SHQ1: variants seen among roughly 807,000 people sequenced by gnomAD.
SHQ1 encodes the protein SHQ1, H/ACA ribonucleoprotein assembly factor.
Under a neutral mutation model 53.8 loss-of-function variants are expected in SHQ1, and 49 were observed. The ratio of observed to expected loss-of-function variants is 0.91; its 90% confidence interval spans 0.72 to 1.16. The LOEUF (loss-of-function observed/expected upper bound fraction) is 1.16, where lower values mean the gene tolerates loss of function less well. Ranked by LOEUF, SHQ1 falls within the 50% of genes most tolerant of loss-of-function variation. SHQ1 has a pLI of 0.00. For synonymous variants in SHQ1, 243 were observed against 251.0 expected, an observed-to-expected ratio of 0.97 and a Z score of 0.30; for missense variants, 738 against 683.1, an observed-to-expected ratio of 1.08 and a Z score of -0.90.
intron 10 of SHQ1, among the ~76,000 whole-genome samples, chr3:72,770,493 A>C (rs1482815823): frequency 6.6e-6 from 1 of 152,226 alleles, no homozygotes; most frequent in Non-Finnish European, 1.5e-5. Context: ...GCCAGACTAC[A>C]TCTCAGAAGT....
intron 10 of SHQ1, chr3:72,773,047 A>C: frequency 1.1e-6 from 1 of 931,942 alleles, no homozygotes; most frequent in Admixed American, 1.9e-5. Context: ...CAAAGAAGAA[A>C]TGACTGAGTC....
At chr3:72,757,146 A>G (rs1013184694) in intron 10 of SHQ1, among the ~76,000 whole-genome samples, 2 of 152,208 alleles carry the variant, frequency 1.3e-5, no homozygotes, top group African/African-American at 4.8e-5. Context: ...TATAAATCTC[A>G]GAGTAACCGA....
chr3:72,817,274 G>T lies in SHQ1; in HGVS notation c.838C>A (p.Leu280Met). The T allele has an allele frequency of 1.2e-6, 2 of 1,613,870 alleles. No individual in the cohort carries two copies. The highest frequency in any genetic ancestry group is 1.7e-6 in the Non-Finnish European group (2 of 1,179,806). The change falls in exon 7 of 11, where the codon CTG (leucine) becomes ATG (methionine). Residue 280 changes from leucine (L) to methionine (M), a missense_variant. Leu to Met is a conservative substitution (Grantham distance 15). Coordinates refer to ENST00000325599, the MANE Select transcript of SHQ1 (RefSeq NM_018130.3). Reference protein sequence around the residue: ...QVCYSLIDILLAYCYETRVTE... With the variant: ...QVCYSLIDILMAYCYETRVTE... ...ACACGGGTTTCATAGCAATATGCCA[G>T]AAGGATATCAATCAAACTGTAGCAC...
intron 10 of SHQ1, among the ~76,000 whole-genome samples, chr3:72,751,516 A>G (rs1277640726): frequency 1.5e-5 from 2 of 136,444 alleles, no homozygotes; most frequent in Admixed American, 7.0e-5. Context: ...GTGTATATAT[A>G]TATATATATA....
At position 72,768,311 on chromosome 3, in the gene SHQ1, C is replaced by G. The variant is rs544468840; in HGVS notation, c.1182-17475G>C. Among the ~76,000 whole-genome samples, 6 of 152,342 alleles carry G rather than the reference C, an allele frequency of 3.9e-5. No individual in the cohort carries two copies. The East Asian group carries it at 9.6e-4, about 24-fold the overall frequency. ...GAGGGAGAGGCAGTTTGACTTTCTT[C>G]TTTCCTAGTGCTCCCGATGGCAAGG... On this transcript the variant is annotated intron_variant, in intron 10 of 10. Coordinates refer to ENST00000325599, the MANE Select transcript of SHQ1 (RefSeq NM_018130.3).
chr3:72,807,778 T>C (rs1480600487), intron 9 of SHQ1, among the ~76,000 whole-genome samples: 2 of 152,240 alleles, frequency 1.3e-5, no homozygotes, highest in African/African-American at 2.4e-5. Flanking sequence ...ATAGCTCTTC[T>C]TTCCTTTCTC....
chr3:72,839,981 C>T (rs1443380841), intron 4 of SHQ1, among the ~76,000 whole-genome samples: 2 of 152,026 alleles, frequency 1.3e-5, no homozygotes, highest in Non-Finnish European at 2.9e-5. Flanking sequence ...AAGATGGTCA[C>T]GAGCTCCTGA....
At chr3:72,761,364 G>A (rs1339738072) in intron 10 of SHQ1, among the ~76,000 whole-genome samples, 2 of 152,046 alleles carry the variant, frequency 1.3e-5, no homozygotes, top group Non-Finnish European at 2.9e-5. Flanking sequence ...TAGTGACAGC[G>A]TCTTGCTACA....
At chr3:72,766,787 T>C (rs780475651) in intron 10 of SHQ1, among the ~76,000 whole-genome samples, 2 of 152,150 alleles carry the variant, frequency 1.3e-5, no homozygotes, top group Non-Finnish European at 2.9e-5. Flanking sequence ...AGCCATTTTA[T>C]TGAAGTCTAA....
intron 4 of SHQ1, among the ~76,000 whole-genome samples, chr3:72,838,853 A>G (rs1575738255): frequency 6.6e-6 from 1 of 152,190 alleles, no homozygotes; most frequent in South Asian, 2.1e-4. Context: ...GACAGGAGTC[A>G]ACTATATTGG....
chr3:72,812,205 A>C (rs1277558065), intron 9 of SHQ1, among the ~76,000 whole-genome samples: 1 of 152,122 alleles, frequency 6.6e-6, no homozygotes, highest in Admixed American at 6.5e-5. Flanking sequence ...GTCCCCTCCT[A>C]AACGATCCCT....
chr3:72,821,085 T>C (rs552263364), intron 6 of SHQ1, among the ~76,000 whole-genome samples: 49 of 152,326 alleles, frequency 3.2e-4, no homozygotes, highest in Non-Finnish European at 5.4e-4. Context: ...GTCTATTACA[T>C]TGTACATTCA....
intron 6 of SHQ1, among the ~76,000 whole-genome samples, chr3:72,822,207 A>C (rs779579897): frequency 3.8e-4 from 58 of 152,214 alleles, no homozygotes; most frequent in Admixed American, 6.5e-4. Context: ...TATTATTAGA[A>C]GAGACACGCT....
chr3:72,732,379 TGCC>T, the SHQ1 span, among the ~76,000 whole-genome samples: 825 of 133,578 alleles, frequency 6.2e-3, 7 homozygotes, highest in African/African-American at 0.022. Context: ...CCTGCCTGCC[TGCC>T]TGCCTGCCTT....
chr3:72,761,357 T>G (rs1337731237), intron 10 of SHQ1, among the ~76,000 whole-genome samples: 1 of 152,054 alleles, frequency 6.6e-6, no homozygotes, highest in African/African-American at 2.4e-5. Flanking sequence ...TTTTTTGTAG[T>G]GACAGCGTCT....
At chr3:72,843,734 T>C (rs1708246977) in intron 2 of SHQ1, among the ~76,000 whole-genome samples, 1 of 151,894 alleles carries the variant, frequency 6.6e-6, no homozygotes, top group African/African-American at 2.4e-5. Context: ...TAGATCTCTG[T>C]CATTTAACCC....
In SHQ1 at chr3:72,848,441, G is replaced by A; in HGVS notation, c.-101C>T. 2 of 1,524,140 alleles carry A rather than the reference G, an allele frequency of 1.3e-6. No homozygotes were observed. Among genetic ancestry groups the A allele is most frequent in the South Asian group, 1.2e-5 (1 of 81,272 alleles). 94.4% of individuals were successfully genotyped at this position (1,524,140 alleles called of 1,614,324 possible). A position where few individuals can be genotyped will look rare whatever the true frequency, so the allele number is the denominator to read the frequency against. ...CCCCACGCGCAGGAACTCTCGGTGT[G>A]AGGGACGGAGCTTCCGGCTCGAGGC... On this transcript the variant is annotated 5_prime_UTR_variant, in exon 1 of 11. Coordinates refer to ENST00000325599, the MANE Select transcript of SHQ1 (RefSeq NM_018130.3).
At chr3:72,833,534 C>CAGAT (rs113103994) in intron 4 of SHQ1, among the ~76,000 whole-genome samples, 38,731 of 149,586 alleles carry the variant, frequency 0.26, 5,305 homozygotes, top group East Asian at 0.39. Context: ...GGATGATAGA[C>CAGAT]AGATAGATAG....
At chr3:72,776,395 T>C (rs2106748633) in intron 10 of SHQ1, among the ~76,000 whole-genome samples, 1 of 152,274 alleles carries the variant, frequency 6.6e-6, no homozygotes, top group East Asian at 1.9e-4. Context: ...CTGTACAGGT[T>C]TGTAGCCTAG....
Sources: allele counts gnomAD v4.1 joint callset (sites outside exome capture counted in the v4.1 genomes callset), GRCh38; gene constraint gnomAD v4.1.1; transcripts MANE v1.5; gene names NCBI Gene and HGNC (gene_info 2026-07-23, HGNC 2026-07-21).